ZNF385D: variants seen among roughly 807,000 people sequenced by gnomAD.
The protein encoded by ZNF385D is zinc finger protein 385D, also known as zinc finger protein 659.
A neutral mutation model predicts 35.8 loss-of-function variants in ZNF385D; 15 were observed. That is an observed-to-expected ratio of 0.42 (90% CI 0.28 to 0.64). ZNF385D has a LOEUF of 0.64. Ranked by LOEUF, ZNF385D falls within the 30% of genes least tolerant of loss-of-function variation. The pLI, the probability that ZNF385D is intolerant of heterozygous loss-of-function variation, is 0.23. For synonymous variants in ZNF385D, 212 were observed against 186.8 expected (o/e 1.13, Z -1.10); for missense variants, 474 against 494.6 (o/e 0.96, Z 0.39).
chr3:21,615,324 C>T, intron 2 of ZNF385D, among the ~76,000 whole-genome samples: 1 of 151,220 alleles, frequency 6.6e-6, no homozygotes, highest in East Asian at 2.0e-4. Flanking sequence ...CCGAGGCCCT[C>T]ATCAGAAGCA....
intron 3 of ZNF385D, among the ~76,000 whole-genome samples, chr3:22,110,684 T>G (rs966054686): frequency 6.6e-6 from 1 of 151,742 alleles, no homozygotes; most frequent in Non-Finnish European, 1.5e-5. Flanking sequence ...ATACACCTAA[T>G]GTTAAATGAC....
chr3:21,921,769 A>T (rs565010920), intron 3 of ZNF385D, among the ~76,000 whole-genome samples: 10 of 152,004 alleles, frequency 6.6e-5, no homozygotes, highest in Admixed American at 6.5e-4. Context: ...TGGAAACACA[A>T]TCTCCCAAGA....
intron 3 of ZNF385D, among the ~76,000 whole-genome samples, chr3:21,781,535 G>A (rs2071487619): frequency 6.6e-6 from 1 of 151,960 alleles, no homozygotes; most frequent in Non-Finnish European, 1.5e-5. Context: ...AATTCTTTAT[G>A]GAAAGCTTTT....
rs111759123 is a variant in ZNF385D, at chr3:22,117,529, G to A, written c.325+51288C>T. Among the ~76,000 whole-genome samples the A allele has an allele frequency of 8.5e-4, 129 of 151,522 alleles. 1 individual carries two copies. The highest frequency in any genetic ancestry group is 3.0e-3 in the African/African-American group (124 of 41,348). ...ATTGGCATGAAATGATTAAATAACA[G>A]GTTAAATAGGAAAGGTATCTGAATT... On this transcript the variant is annotated intron_variant, in intron 3 of 5. Coordinates refer to the ZNF385D transcript ENST00000494108.
intron 3 of ZNF385D, among the ~76,000 whole-genome samples, chr3:22,139,188 A>G (rs1576386396): frequency 6.6e-6 from 1 of 152,122 alleles, no homozygotes; most frequent in African/African-American, 2.4e-5. Context: ...TAGTTCAACC[A>G]TTGTGGAAGT....
chr3:22,078,489 T>C (rs1377976540), intron 3 of ZNF385D, among the ~76,000 whole-genome samples: 2 of 152,064 alleles, frequency 1.3e-5, no homozygotes, highest in East Asian at 1.9e-4. Context: ...GGATATGGTA[T>C]TGAGACATTA....
At chr3:21,710,941 T>C (rs1259404967) in intron 1 of ZNF385D, among the ~76,000 whole-genome samples, 1 of 151,818 alleles carries the variant, frequency 6.6e-6, no homozygotes, top group African/African-American at 2.4e-5. Context: ...CTAAATGCTC[T>C]CTGATTTTCC....
intron 3 of ZNF385D, among the ~76,000 whole-genome samples, chr3:21,514,656 A>G (rs193154041): frequency 6.6e-6 from 1 of 151,960 alleles, no homozygotes. Context: ...CAATCAGGCT[A>G]TCTCTGTACC....
chr3:21,988,425 G>A (rs1484263528), intron 3 of ZNF385D, among the ~76,000 whole-genome samples: 2 of 131,068 alleles, frequency 1.5e-5, no homozygotes, highest in African/African-American at 5.4e-5. Flanking sequence ...GGAATACCCT[G>A]CCGTGTGAGG....
At chr3:21,587,614 T>C (rs559378041) in intron 2 of ZNF385D, among the ~76,000 whole-genome samples, 3 of 152,168 alleles carry the variant, frequency 2.0e-5, no homozygotes, top group African/African-American at 7.2e-5. Flanking sequence ...GTGTAGTAGA[T>C]ATGTAAGAAA....
intron 2 of ZNF385D, among the ~76,000 whole-genome samples, chr3:22,253,243 C>T (rs540132782): frequency 3.3e-5 from 5 of 151,594 alleles, no homozygotes; most frequent in Non-Finnish European, 5.9e-5. Context: ...AGGTTCTAAA[C>T]GGATAGATTT....
intron 3 of ZNF385D, among the ~76,000 whole-genome samples, chr3:21,845,033 GAA>G (rs1283404770): frequency 6.7e-6 from 1 of 150,114 alleles, no homozygotes; most frequent in Non-Finnish European, 1.5e-5. Context: ...AGAAGAAAAA[GAA>G]AAAAGAGAAA....
chr3:22,188,285 T>C (rs1489421278), intron 2 of ZNF385D, among the ~76,000 whole-genome samples: 2 of 151,946 alleles, frequency 1.3e-5, no homozygotes, highest in Non-Finnish European at 2.9e-5. Context: ...AGACTCGGAG[T>C]GGAGAGATGA....
chr3:21,430,602 A>G (rs569789942), intron 5 of ZNF385D, among the ~76,000 whole-genome samples: 1 of 152,286 alleles, frequency 6.6e-6, no homozygotes, highest in South Asian at 2.1e-4. Flanking sequence ...TGTGAAGAGA[A>G]ATATCAGACA....
At chr3:21,873,201 T>G (rs2125850260) in intron 3 of ZNF385D, among the ~76,000 whole-genome samples, 1 of 152,256 alleles carries the variant, frequency 6.6e-6, no homozygotes, top group South Asian at 2.1e-4. Flanking sequence ...CATAGATATA[T>G]AAGTGTATAA....
intron 3 of ZNF385D, among the ~76,000 whole-genome samples, chr3:21,844,805 A>G (rs985433084): frequency 5.3e-5 from 8 of 151,882 alleles, no homozygotes; most frequent in African/African-American, 1.9e-4. Context: ...AAAATGATCA[A>G]TTTTACTGAA....
At chr3:22,110,909 T>C (rs1397905734) in intron 3 of ZNF385D, among the ~76,000 whole-genome samples, 1 of 152,034 alleles carries the variant, frequency 6.6e-6, no homozygotes, top group Non-Finnish European at 1.5e-5. Context: ...GCTGAGAGTC[T>C]TGAATATAAA....
At chr3:21,890,177 C>A (rs982456776) in intron 3 of ZNF385D, among the ~76,000 whole-genome samples, 2 of 151,970 alleles carry the variant, frequency 1.3e-5, no homozygotes, top group African/African-American at 4.8e-5. Context: ...ATATTATGTG[C>A]AGGTTATATA....
In ZNF385D at chr3:22,200,149, A is replaced by T. The variant is rs115733638; in HGVS notation, c.107-31114T>A. ...AACACAGGGCCATAGGATAATTTAC[A>T]TATCATAAATTTGATTAGGAAATTA... On this transcript the variant is annotated intron_variant, in intron 2 of 5. Transcript: ENST00000494108. Among the ~76,000 whole-genome samples the T allele has an allele frequency of 6.5e-3, 994 of 152,248 alleles. 11 individuals are homozygous for T. Among genetic ancestry groups the T allele is most frequent in the African/African-American group, 0.023 (943 of 41,568 alleles).
Sources: gnomAD v4.1 joint callset for allele counts (sites outside exome capture counted in the v4.1 genomes callset) on GRCh38, gnomAD v4.1.1 for gene constraint, MANE v1.5 for transcripts, NCBI Gene and HGNC (gene_info 2026-07-23, HGNC 2026-07-21) for gene names.